WWOX: variants seen among roughly 807,000 people sequenced by gnomAD.
WWOX encodes WW domain containing oxidoreductase, also known as WW domain-containing oxidoreductase.
WWOX carries 69 observed loss-of-function variants against 46.2 expected under a neutral mutation model. The observed-to-expected ratio is 1.49, with a 90% CI of 1.23 to 1.82. The LOEUF is 1.82. Among genes scored for constraint, WWOX ranks in the 40% most tolerant of loss-of-function variants. The pLI is 0.00. For synonymous variants in WWOX, 359 were observed against 202.6 expected (o/e 1.77, Z -6.56); for missense variants, 919 against 542.6 (o/e 1.69, Z -6.89).
chr16:78,332,045 CTGAT>C (rs1215248464), intron 5 of WWOX, among the ~76,000 whole-genome samples: 4 of 152,166 alleles, frequency 2.6e-5, no homozygotes, highest in Non-Finnish European at 5.9e-5. Context: ...CTCAGGGAGT[CTGAT>C]TACTGTTTCT....
In WWOX at chr16:78,942,116, C is replaced by T. The variant is rs78089977; in HGVS notation, c.1057-269492C>T. ...ATTACGTATGACTGTGATTCTAACA[C>T]GGAAGCGCCCTCCTTTTCTAGTAGC... On this transcript the variant is annotated intron_variant, in intron 8 of 8. Transcript: ENST00000566780. Among the ~76,000 whole-genome samples, 267 of 152,248 alleles carry T rather than the reference C, an allele frequency of 1.8e-3. 1 individual carries two copies. In the Middle Eastern group the frequency reaches 0.02, roughly 12 times the overall value.
chr16:78,886,374 A>G lies in WWOX; in HGVS notation c.1057-325234A>G, dbSNP rs78944887. Among the ~76,000 whole-genome samples the G allele has an allele frequency of 6.5e-3, 989 of 151,814 alleles. 13 individuals carry two copies. The highest frequency in any genetic ancestry group is 0.023 in the African/African-American group (938 of 41,448). The stretch of plus-strand genomic sequence containing the variant: ...CTACTTTATTTACTCAATATTAATT[A>G]TATGAGAAATAAATCCTAAATGTAA... On this transcript the variant is annotated intron_variant, in intron 8 of 8. Transcript: ENST00000566780.
intron 5 of WWOX, among the ~76,000 whole-genome samples, chr16:78,314,939 C>T (rs374388840): frequency 5.9e-5 from 9 of 152,076 alleles, no homozygotes; most frequent in African/African-American, 2.2e-4. Flanking sequence ...TCAGTTAACA[C>T]ATGGGATGGG....
chr16:78,963,069 C>T (rs1316333482), intron 8 of WWOX, among the ~76,000 whole-genome samples: 1 of 152,094 alleles, frequency 6.6e-6, no homozygotes, highest in African/African-American at 2.4e-5. Flanking sequence ...TGTAAGTACT[C>T]TGATATGCAC....
chr16:78,432,716 G>C lies in WWOX; in HGVS notation c.1020G>C (p.Leu340=), dbSNP rs766792703. Residue 340 remains leucine (L), a synonymous_variant, in exon 8 of 9, where the codon CTG becomes CTC. Transcript: ENST00000566780. ...ATCGCAGCTGGTGGGTGTACACACTGCTGTTTACCTTGGCGAGGCCTTTCA... is the reference window on the plus strand; with the variant it reads ...ATCGCAGCTGGTGGGTGTACACACTCCTGTTTACCTTGGCGAGGCCTTTCA... The part of the protein sequence containing the change: ...NIHRSWWVYT[L]LFTLARPFTK... 1 of 1,614,192 alleles carries C rather than the reference G, an allele frequency of 6.2e-7. No individual in the cohort carries two copies. The highest frequency in any genetic ancestry group is 2.2e-5 in the East Asian group (1 of 44,884).
intron 8 of WWOX, among the ~76,000 whole-genome samples, chr16:78,702,511 C>T (rs2048245947): frequency 1.3e-5 from 2 of 151,658 alleles, no homozygotes. Context: ...ATTAGCCAGG[C>T]ACAGTGGCTC....
At chr16:78,963,311 T>TAA (rs36121729) in intron 8 of WWOX, among the ~76,000 whole-genome samples, 1 of 151,596 alleles carries the variant, frequency 6.6e-6, no homozygotes, top group Non-Finnish European at 1.5e-5. Context: ...TCTTCAAAAA[T>TAA]AAAAAAAATT....
intron 5 of WWOX, among the ~76,000 whole-genome samples, chr16:78,194,587 C>CA (rs368008924): frequency 0.12 from 11,857 of 98,332 alleles, 833 homozygotes; most frequent in South Asian, 0.28. Context: ...GACTCCATCT[C>CA]AAAAAAAAAA....
At chr16:79,108,937 G>A (rs1241349111) in intron 8 of WWOX, among the ~76,000 whole-genome samples, 1 of 149,426 alleles carries the variant, frequency 6.7e-6, no homozygotes, top group Admixed American at 6.7e-5. Context: ...TTTTTTAATC[G>A]CCATAATCTT....
intron 5 of WWOX, among the ~76,000 whole-genome samples, chr16:78,308,081 C>T (rs1345310172): frequency 6.6e-6 from 1 of 152,120 alleles, no homozygotes. Context: ...ACTGAGACCC[C>T]AGCTTTCCCA....
At chr16:78,334,296 C>T (rs2080827314) in intron 5 of WWOX, among the ~76,000 whole-genome samples, 1 of 152,162 alleles carries the variant, frequency 6.6e-6, no homozygotes, top group Non-Finnish European at 1.5e-5. Flanking sequence ...TCCGTGAATG[C>T]ACAATTTATG....
intron 4 of WWOX, among the ~76,000 whole-genome samples, chr16:78,122,047 C>A (rs531152430): frequency 6.6e-6 from 1 of 152,012 alleles, no homozygotes; most frequent in South Asian, 2.1e-4. Flanking sequence ...TGTGAGAGAC[C>A]ACATTTACAT....
At chr16:78,396,099 C>A (rs2082279095) in intron 6 of WWOX, among the ~76,000 whole-genome samples, 1 of 152,178 alleles carries the variant, frequency 6.6e-6, no homozygotes, top group African/African-American at 2.4e-5. Context: ...TCAGCAGTCA[C>A]AACAGTGCCA....
intron 8 of WWOX, among the ~76,000 whole-genome samples, chr16:78,744,506 A>T (rs1175862606): frequency 3.1e-5 from 4 of 131,050 alleles, no homozygotes; most frequent in Non-Finnish European, 6.1e-5. Context: ...GTCTTGGCTC[A>T]TTGCAACATC....
chr16:78,582,199 A>C (rs1597302991), intron 8 of WWOX, among the ~76,000 whole-genome samples: 1 of 152,196 alleles, frequency 6.6e-6, no homozygotes, highest in African/African-American at 2.4e-5. Context: ...GGCCAGAAGA[A>C]TGTTCCTAAG....
At chr16:78,240,250 G>C (rs11643816) in intron 5 of WWOX, among the ~76,000 whole-genome samples, 1 of 152,042 alleles carries the variant, frequency 6.6e-6, no homozygotes, top group Non-Finnish European at 1.5e-5. Context: ...AGGCTGCGGA[G>C]GGGGCATCAC....
At chr16:78,683,253 G>A (rs1346171063) in intron 8 of WWOX, among the ~76,000 whole-genome samples, 1 of 152,026 alleles carries the variant, frequency 6.6e-6, no homozygotes. Context: ...GCTCACACTT[G>A]TAATCTTAGC....
chr16:78,983,870 CTTTTTTT>C lies in WWOX; in HGVS notation c.1057-227721_1057-227715del, dbSNP rs760130115. Among the ~76,000 whole-genome samples the C allele has an allele frequency of 2.0e-4, 16 of 79,868 alleles. No homozygotes were observed. In the Admixed American group the frequency reaches 2.1e-3, roughly 10 times the overall value. 52.4% of individuals were successfully genotyped at this position (79,868 alleles called of 152,430 possible). A position where few individuals can be genotyped will look rare whatever the true frequency, so the allele number is the denominator to read the frequency against. On this transcript the variant is annotated intron_variant, in intron 8 of 8. Coordinates refer to ENST00000566780, the MANE Select transcript of WWOX (RefSeq NM_016373.4). ...CAGTCCATCTGTTATGAGAGCTATTCTTTTTTTTTTTTTTTTTTTTTTTGTGAGATGG... is the reference window on the plus strand; with the variant it reads ...CAGTCCATCTGTTATGAGAGCTATTCTTTTTTTTTTTTTTTTGTGAGATGG...
At chr16:78,744,020 A>G (rs1293526225) in intron 8 of WWOX, among the ~76,000 whole-genome samples, 2 of 152,070 alleles carry the variant, frequency 1.3e-5, no homozygotes, top group Non-Finnish European at 2.9e-5. Context: ...GTTTTGTCCA[A>G]TTCTTTATTC....
Sources: gnomAD v4.1 joint callset for allele counts (sites outside exome capture counted in the v4.1 genomes callset) on GRCh38, gnomAD v4.1.1 for gene constraint, MANE v1.5 for transcripts, NCBI Gene and HGNC (gene_info 2026-07-23, HGNC 2026-07-21) for gene names.